Variants in TUSC3 observed in about 807,000 individuals in gnomAD.
TUSC3 encodes dolichyl-diphosphooligosaccharide--protein glycosyltransferase subunit TUSC3.
TUSC3 carries 45 observed loss-of-function variants against 44.8 expected under a neutral mutation model. The ratio of observed to expected loss-of-function variants is 1.00; its 90% CI spans 0.79 to 1.29. The LOEUF is 1.29. TUSC3 is among the 50% of genes most tolerant of loss of function. The probability of loss-of-function intolerance (pLI) is 0.00; values close to 1 mark genes in which losing one functional copy is unlikely to be tolerated. For missense variants in TUSC3, 519 were observed against 437.9 expected (o/e 1.19, Z -1.65); for synonymous variants, 212 against 152.9 (o/e 1.39, Z -2.85).
chr8:15,671,146 G>A (rs1807931301), intron 5 of TUSC3, among the ~76,000 whole-genome samples: 1 of 151,844 alleles, frequency 6.6e-6, no homozygotes, highest in African/African-American at 2.4e-5. Flanking sequence ...CTAAAGCTGA[G>A]TATTTACATA....
At chr8:15,555,177 C>G (rs1585096307) in intron 1 of TUSC3, among the ~76,000 whole-genome samples, 1 of 93,688 alleles carries the variant, frequency 1.1e-5, no homozygotes, top group Non-Finnish European at 1.9e-5. Context: ...GGGACGAGAT[C>G]TTACTCTGTT....
chr8:15,829,235 G>A, the TUSC3 span, among the ~76,000 whole-genome samples: 1 of 152,192 alleles, frequency 6.6e-6, no homozygotes, highest in South Asian at 2.1e-4. Flanking sequence ...AAAAAATGTT[G>A]CAAAGAATCA....
the TUSC3 span, among the ~76,000 whole-genome samples, chr8:15,812,757 G>T: frequency 2.0e-5 from 3 of 151,946 alleles, no homozygotes; most frequent in African/African-American, 7.3e-5. Flanking sequence ...GATTCCAATA[G>T]CTCACGGAAT....
intron 1 of TUSC3, among the ~76,000 whole-genome samples, chr8:15,598,592 A>G (rs200789860): frequency 2.0e-4 from 5 of 25,548 alleles, no homozygotes; most frequent in African/African-American, 5.6e-4. Context: ...AACTCGTCAT[A>G]CTTCCTCCTT....
intron 1 of TUSC3, among the ~76,000 whole-genome samples, chr8:15,438,385 C>T (rs950308296): frequency 2.6e-5 from 4 of 152,164 alleles, no homozygotes; most frequent in Admixed American, 6.5e-5. Flanking sequence ...CGTGAGCCAC[C>T]GCGCCCAGCC....
intron 2 of TUSC3, among the ~76,000 whole-genome samples, chr8:15,491,164 C>T (rs375814922): frequency 6.6e-6 from 1 of 152,140 alleles, no homozygotes; most frequent in Non-Finnish European, 1.5e-5. Context: ...AGAAAGCAGT[C>T]AGACCTGCCT....
chr8:15,823,226 A>T, the TUSC3 span, among the ~76,000 whole-genome samples: 4 of 152,170 alleles, frequency 2.6e-5, no homozygotes, highest in Non-Finnish European at 4.4e-5. Flanking sequence ...CCGGAGCGCT[A>T]CCCAAAAGCC....
intron 4 of TUSC3, among the ~76,000 whole-genome samples, chr8:15,661,923 A>G (rs898888030): frequency 6.6e-6 from 1 of 152,034 alleles, no homozygotes; most frequent in African/African-American, 2.4e-5. Flanking sequence ...TAAGCACATG[A>G]AAAGATGCTC....
chr8:15,618,348 A>G (rs1275798601), intron 1 of TUSC3, among the ~76,000 whole-genome samples: 1 of 152,200 alleles, frequency 6.6e-6, no homozygotes, highest in Non-Finnish European at 1.5e-5. Context: ...CTTAAAATAC[A>G]AACACATTTT....
At chr8:15,593,667 T>C (rs959426786) in intron 1 of TUSC3, among the ~76,000 whole-genome samples, 2 of 152,236 alleles carry the variant, frequency 1.3e-5, no homozygotes, top group African/African-American at 2.4e-5. Context: ...AAGTCTGTTA[T>C]CTGTGCCTTC....
chr8:15,430,916 C>G (rs909122209), intron 1 of TUSC3, among the ~76,000 whole-genome samples: 2 of 151,710 alleles, frequency 1.3e-5, no homozygotes, highest in Non-Finnish European at 2.9e-5. Flanking sequence ...AGAGACTGTC[C>G]TTTCCCCATT....
chr8:15,727,517 A>G (rs1810544916), intron 6 of TUSC3, among the ~76,000 whole-genome samples: 1 of 152,152 alleles, frequency 6.6e-6, no homozygotes, highest in Non-Finnish European at 1.5e-5. Flanking sequence ...ATTTGCAAAC[A>G]AATTCAAGCT....
chr8:15,661,271 T>G (rs1254829698), intron 4 of TUSC3, among the ~76,000 whole-genome samples: 2 of 152,068 alleles, frequency 1.3e-5, no homozygotes, highest in African/African-American at 4.8e-5. Flanking sequence ...CCCTTTACAT[T>G]GTCCACCTTC....
At position 15,650,234 on chromosome 8, in the gene TUSC3, T is replaced by A. The variant is rs149474465; in HGVS notation, c.309-463T>A. Among the ~76,000 whole-genome samples, 746 of 152,336 alleles carry A rather than the reference T, an allele frequency of 4.9e-3. 20 individuals carry two copies. The East Asian group carries it at 0.071, about 14-fold the overall frequency. On this transcript the variant is annotated intron_variant, in intron 2 of 10. Coordinates refer to ENST00000503731, the MANE Select transcript of TUSC3 (RefSeq NM_006765.4). ...AAATTTTAAAACTATTAATTTTGTT[T>A]TTCTGTTAAACTAAGTTGCAAATAT... is the stretch of plus-strand genomic sequence containing the variant.
At chr8:15,551,950 G>C (rs937901229) in intron 1 of TUSC3, among the ~76,000 whole-genome samples, 2 of 151,514 alleles carry the variant, frequency 1.3e-5, no homozygotes, top group East Asian at 1.9e-4. Context: ...ATGATTCCAG[G>C]GAACTTTATA....
chr8:15,813,935 G>T, the TUSC3 span, among the ~76,000 whole-genome samples: 1 of 152,122 alleles, frequency 6.6e-6, no homozygotes, highest in African/African-American at 2.4e-5. Context: ...TTGCGACATT[G>T]AGCAAGTCAC....
At chr8:15,594,860 C>CT (rs1031150150) in intron 1 of TUSC3, among the ~76,000 whole-genome samples, 6 of 152,210 alleles carry the variant, frequency 3.9e-5, no homozygotes, top group Admixed American at 1.3e-4. Context: ...CCACAGAAGC[C>CT]TAGGATTCAT....
the TUSC3 span, among the ~76,000 whole-genome samples, chr8:15,821,926 A>G: frequency 6.6e-6 from 1 of 152,192 alleles, no homozygotes; most frequent in Non-Finnish European, 1.5e-5. Context: ...TAGACTATAG[A>G]CAGGTAAAGA....
intron 1 of TUSC3, among the ~76,000 whole-genome samples, chr8:15,622,129 A>T (rs11782065): frequency 6.6e-6 from 1 of 151,878 alleles, no homozygotes. Context: ...AGCTTGGTTA[A>T]ATGGCACATT....
Sources: allele counts gnomAD v4.1 joint callset (sites outside exome capture counted in the v4.1 genomes callset), GRCh38; gene constraint gnomAD v4.1.1; transcripts MANE v1.5; gene names NCBI Gene and HGNC (gene_info 2026-07-23, HGNC 2026-07-21).